Variants in DCC observed in about 807,000 individuals in gnomAD.
The protein encoded by DCC is DCC netrin 1 receptor, also known as netrin receptor DCC.
In DCC, 58 loss-of-function variants were observed where a neutral mutation model predicts 172.5. The ratio of observed to expected loss-of-function variants is 0.34; its 90% CI spans 0.27 to 0.42. The LOEUF (loss-of-function observed/expected upper bound fraction) is 0.42, where lower values mean the gene tolerates loss of function less well. DCC is among the 10% of genes least tolerant of loss of function. The pLI, the probability that DCC is intolerant of heterozygous loss-of-function variation, is 1.00. For synonymous variants in DCC, 709 were observed against 644.5 expected, an observed-to-expected ratio of 1.10 and a Z score of -1.52; for missense variants, 1,740 against 1,791.0, an observed-to-expected ratio of 0.97 and a Z score of 0.51.
At chr18:53,309,606 C>T (rs1383201133) in intron 13 of DCC, among the ~76,000 whole-genome samples, 1 of 152,124 alleles carries the variant, frequency 6.6e-6, no homozygotes, top group Non-Finnish European at 1.5e-5. Flanking sequence ...TTCAGTTCTA[C>T]ATTTTCATTC....
intron 2 of DCC, among the ~76,000 whole-genome samples, chr18:52,885,155 C>A (rs1269639731): frequency 1.3e-5 from 2 of 152,024 alleles, no homozygotes; most frequent in African/African-American, 4.8e-5. Flanking sequence ...GTAACCACTA[C>A]CTGGCTACCA....
chr18:52,959,882 G>T (rs960647234), intron 5 of DCC, among the ~76,000 whole-genome samples: 1 of 152,106 alleles, frequency 6.6e-6, no homozygotes, highest in South Asian at 2.1e-4. Context: ...TGACAGAAAG[G>T]TTAGCTGGGG....
At chr18:53,333,639 G>GGA (rs377254785) in intron 14 of DCC, among the ~76,000 whole-genome samples, 344 of 152,050 alleles carry the variant, frequency 2.3e-3, no homozygotes, top group African/African-American at 7.8e-3. Flanking sequence ...GGAGATAAGT[G>GGA]GAGAGAGAGA....
rs563816133 is a variant in DCC at position 52,706,644 on chromosome 18, CT to C, written c.92-45405del. Reference sequence around the variant, plus strand: ...TCAGTTCAAGCATTGCCCGAAAATGCTTTTTACTTTTGTACACGGATTCGTT... The same window carrying C: ...TCAGTTCAAGCATTGCCCGAAAATGCTTTTACTTTTGTACACGGATTCGTT... On this transcript the variant is annotated intron_variant, in intron 1 of 28. Transcript: ENST00000442544. Among the ~76,000 whole-genome samples the C allele has an allele frequency of 5.1e-4, 77 of 152,258 alleles. No individual in the cohort carries two copies. The South Asian group carries it at 5.2e-3, about 10-fold the overall frequency.
chr18:53,051,440 T>C (rs1420559186), intron 5 of DCC, among the ~76,000 whole-genome samples: 3 of 152,132 alleles, frequency 2.0e-5, no homozygotes, highest in African/African-American at 7.2e-5. Context: ...TTCCATTGTG[T>C]TTACTTTTAT....
At chr18:52,382,947 G>A (rs1985647099) in intron 1 of DCC, among the ~76,000 whole-genome samples, 1 of 152,056 alleles carries the variant, frequency 6.6e-6, no homozygotes, top group East Asian at 1.9e-4. Flanking sequence ...ATATTACCAT[G>A]TTTTAAAAAT....
intron 21 of DCC, among the ~76,000 whole-genome samples, chr18:53,431,220 A>C (rs568109793): frequency 3.3e-5 from 5 of 151,888 alleles, no homozygotes; most frequent in Non-Finnish European, 7.4e-5. Flanking sequence ...TCCTGGTTCC[A>C]AAATCTAAGG....
chr18:53,377,352 TGA>T (rs59629030), intron 15 of DCC, among the ~76,000 whole-genome samples: 6,172 of 137,252 alleles, frequency 0.045, 242 homozygotes, highest in African/African-American at 0.11. Flanking sequence ...AAGATGCATT[TGA>T]GAGAGAGAGA....
chr18:52,949,777 A>C (rs576716110), intron 5 of DCC, among the ~76,000 whole-genome samples: 1 of 152,358 alleles, frequency 6.6e-6, no homozygotes, highest in East Asian at 1.9e-4. Flanking sequence ...TCTTGGTGAT[A>C]ATATATTTTG....
chr18:52,346,107 A>G (rs1983867651), intron 1 of DCC, among the ~76,000 whole-genome samples: 1 of 152,232 alleles, frequency 6.6e-6, no homozygotes. Flanking sequence ...ATTGTTCTTC[A>G]AAACAAGATA....
chr18:52,606,484 T>G (rs941721248), intron 1 of DCC, among the ~76,000 whole-genome samples: 1 of 152,132 alleles, frequency 6.6e-6, no homozygotes, highest in African/African-American at 2.4e-5. Context: ...TACGTGATCA[T>G]TATTCTAATT....
In DCC at chr18:52,833,038, G is replaced by A. The variant is rs932740475; in HGVS notation, c.413-73006G>A. Among the ~76,000 whole-genome samples the A allele has an allele frequency of 3.9e-5, 6 of 152,038 alleles. 1 individual carries two copies. The South Asian group carries it at 1.0e-3, about 26-fold the overall frequency. On this transcript the variant is annotated intron_variant, in intron 2 of 28. Coordinates refer to ENST00000442544, the MANE Select transcript of DCC (RefSeq NM_005215.4). ...ATAACCTCTTGTTTAATAACAATAG[G>A]GTTTTGCCATCAAAGAGGATTGAAT...
intron 20 of DCC, among the ~76,000 whole-genome samples, chr18:53,412,985 C>T (rs1224504791): frequency 6.6e-6 from 1 of 152,122 alleles, no homozygotes; most frequent in African/African-American, 2.4e-5. Context: ...TGCACATACC[C>T]ACCTTTCCAC....
intron 24 of DCC, among the ~76,000 whole-genome samples, chr18:53,460,998 T>C (rs946780922): frequency 6.6e-6 from 1 of 152,228 alleles, no homozygotes; most frequent in Non-Finnish European, 1.5e-5. Context: ...TGATATCTCA[T>C]TGTGGTTTTG....
intron 2 of DCC, among the ~76,000 whole-genome samples, chr18:52,805,710 A>G (rs935258125): frequency 3.9e-5 from 6 of 152,254 alleles, no homozygotes; most frequent in African/African-American, 7.2e-5. Context: ...TTCATATTCT[A>G]TATGGATTAC....
chr18:53,429,025 TATATAATATATATTTTATATATA>T (rs1911381824), intron 21 of DCC, among the ~76,000 whole-genome samples: 1 of 60,522 alleles, frequency 1.7e-5, no homozygotes, highest in Non-Finnish European at 3.5e-5. Flanking sequence ...ATATATTTTT[TATATAATATATATTTTATATATA>T]ATATATTATA....
chr18:52,937,664 T>A (rs1040953423), intron 5 of DCC, among the ~76,000 whole-genome samples: 1 of 152,042 alleles, frequency 6.6e-6, no homozygotes, highest in African/African-American at 2.4e-5. Flanking sequence ...AAAAAAAATT[T>A]TTTTGTAGAG....
At chr18:52,752,016 A>G in intron 1 of DCC, 38 bp from the exon 2 acceptor site, 1 of 1,555,396 alleles carries the variant, frequency 6.4e-7, no homozygotes, top group Admixed American at 1.7e-5. Flanking sequence ...GATTTATTTG[A>G]ATACATGAAC....
chr18:52,494,804 T>G (rs2030677550), intron 1 of DCC, among the ~76,000 whole-genome samples: 1 of 152,092 alleles, frequency 6.6e-6, no homozygotes, highest in Non-Finnish European at 1.5e-5. Flanking sequence ...GATCTATTTG[T>G]GTTTGTGTTG....
Sources: gnomAD v4.1 joint callset for allele counts (sites outside exome capture counted in the v4.1 genomes callset) on GRCh38, gnomAD v4.1.1 for gene constraint, MANE v1.5 for transcripts, NCBI Gene and HGNC (gene_info 2026-07-23, HGNC 2026-07-21) for gene names.